Variants in ARFGEF3 observed in about 807,000 individuals in gnomAD.
ARFGEF3 encodes the protein ARFGEF family member 3.
A neutral mutation model predicts 221.7 loss-of-function variants in ARFGEF3; 96 were observed. The ratio of observed to expected loss-of-function variants is 0.43; its 90% CI spans 0.37 to 0.51. The LOEUF (loss-of-function observed/expected upper bound fraction) is 0.51. ARFGEF3 is among the 20% of genes least tolerant of loss of function. ARFGEF3 has a pLI of 0.00. For missense variants in ARFGEF3, 2,410 were observed against 2,789.9 expected (o/e 0.86, Z 3.07); for synonymous variants, 1,145 against 1,126.8 (o/e 1.02, Z -0.32).
At chr6:138,264,309 T>C (rs1191050712) in intron 12 of ARFGEF3, among the ~76,000 whole-genome samples, 1 of 152,222 alleles carries the variant, frequency 6.6e-6, no homozygotes, top group Non-Finnish European at 1.5e-5. Flanking sequence ...TTTCACATAG[T>C]AAATAATTAT....
At chr6:138,279,348 G>A (rs1272705144) in intron 13 of ARFGEF3, among the ~76,000 whole-genome samples, 5 of 152,124 alleles carry the variant, frequency 3.3e-5, no homozygotes, top group African/African-American at 9.7e-5. Context: ...ACTCTTCACC[G>A]TATTCCAACA....
chr6:138,303,149 C>T (rs143812139), intron 22 of ARFGEF3, among the ~76,000 whole-genome samples: 1 of 152,038 alleles, frequency 6.6e-6, no homozygotes, highest in African/African-American at 2.4e-5. Flanking sequence ...TGTATTTTGC[C>T]AGAATTAGCT....
intron 4 of ARFGEF3, among the ~76,000 whole-genome samples, chr6:138,219,930 T>C (rs1777949190): frequency 6.6e-6 from 1 of 152,210 alleles, no homozygotes; most frequent in Non-Finnish European, 1.5e-5. Flanking sequence ...GTATACTGAT[T>C]TCTCATCATA....
At chr6:138,315,142 C>T (rs1035296634) in intron 26 of ARFGEF3, among the ~76,000 whole-genome samples, 2 of 152,194 alleles carry the variant, frequency 1.3e-5, no homozygotes, top group African/African-American at 4.8e-5. Context: ...TTACTTCTTA[C>T]AGGACTATTT....
At chr6:138,293,754 G>A (rs1409388441) in intron 19 of ARFGEF3, among the ~76,000 whole-genome samples, 1 of 152,206 alleles carries the variant, frequency 6.6e-6, no homozygotes, top group Non-Finnish European at 1.5e-5. Context: ...CCATAGCGGA[G>A]CTAGACCATG....
chr6:138,181,931 G>C (rs2114449872), intron 2 of ARFGEF3, among the ~76,000 whole-genome samples: 1 of 152,236 alleles, frequency 6.6e-6, no homozygotes, highest in East Asian at 1.9e-4. Flanking sequence ...TGATGGATAG[G>C]GACCCGAGCT....
chr6:138,318,223 T>G (rs560952147), intron 27 of ARFGEF3, among the ~76,000 whole-genome samples: 1 of 152,310 alleles, frequency 6.6e-6, no homozygotes, highest in African/African-American at 2.4e-5. Flanking sequence ...TAAGTAGGTA[T>G]TTTATAGAAT....
At chr6:138,172,759 T>C (rs1199866662) in intron 2 of ARFGEF3, among the ~76,000 whole-genome samples, 1 of 152,138 alleles carries the variant, frequency 6.6e-6, no homozygotes, top group Admixed American at 6.6e-5. Flanking sequence ...CAACAGAAAA[T>C]ACTTCTTCAT....
rs536467500 is a variant in ARFGEF3 at position 138,334,389 on chromosome 6, G to A, written c.5543G>A (p.Ser1848Asn). 3.1e-6 allele frequency: 5 copies of A among 1,613,214 alleles called. No individual in the cohort carries two copies. In the South Asian group the frequency reaches 4.4e-5, roughly 14 times the overall value. The change falls in exon 33 of 34, where the codon AGC becomes AAC. Residue 1848 changes from serine to asparagine, a missense_variant. Ser to Asn is a conservative substitution (Grantham distance 46). Transcript: ENST00000251691. The surrounding 1 kb of genome is among the most constrained non-coding windows in gnomAD (Gnocchi z 5.1). ...KKVLFEDDER[S>N]TDSSQQCSSE... ...GTCCTTTTTGAGGACGACGAGAGAA[G>A]CACGGATTCTTCCCAGCAGTGTTCA...
intron 1 of ARFGEF3, among the ~76,000 whole-genome samples, chr6:138,166,761 G>T (rs564005076): frequency 6.6e-6 from 1 of 152,278 alleles, no homozygotes; most frequent in East Asian, 1.9e-4. Context: ...TCTATCAGGG[G>T]CCTTATACAG....
chr6:138,244,516 C>G (rs1040132632), intron 7 of ARFGEF3, among the ~76,000 whole-genome samples: 5 of 152,196 alleles, frequency 3.3e-5, no homozygotes, highest in South Asian at 2.1e-4. Flanking sequence ...CAGCAGTTTT[C>G]GATATGTAGT....
chr6:138,287,004 A>AAG, intron 16 of ARFGEF3, 70 bp from the exon 17 acceptor site: 1 of 1,568,756 alleles, frequency 6.4e-7, no homozygotes, highest in African/African-American at 1.4e-5. Context: ...GACCCTTTAG[A>AAG]AGGGGTTCTG....
At chr6:138,302,775 A>G (rs990682141) in intron 22 of ARFGEF3, among the ~76,000 whole-genome samples, 1 of 152,246 alleles carries the variant, frequency 6.6e-6, no homozygotes, top group African/African-American at 2.4e-5. Flanking sequence ...AAAACTGTCA[A>G]TGGATAATCC....
In ARFGEF3 at chr6:138,319,776, T is replaced by C. The variant is rs1477318822; in HGVS notation, c.4548T>C (p.His1516=). The change falls in exon 28 of 34, where the codon CAT becomes CAC. Residue 1516 remains histidine, a synonymous_variant. Transcript: ENST00000251691. ...PVMSVWLRRS[H]KDHSYWDMAS... is the part of the protein sequence containing the mutation. The stretch of plus-strand genomic sequence containing the variant: ...TGTCCGTTTGGCTCCGCCGGAGCCA[T>C]AAAGACCATTCCTACTGGGATATGG... The C allele has an allele frequency of 5.0e-6, 8 of 1,613,454 alleles. No individual in the cohort carries two copies. The South Asian group carries it at 8.8e-5, about 18-fold the overall frequency.
intron 5 of ARFGEF3, among the ~76,000 whole-genome samples, chr6:138,232,251 A>G (rs1778206588): frequency 6.6e-6 from 1 of 152,192 alleles, no homozygotes; most frequent in Non-Finnish European, 1.5e-5. Flanking sequence ...TCATGCCTGT[A>G]ATCCCAGCAC....
chr6:138,239,665 AAAAAAG>A (rs1316051887), intron 6 of ARFGEF3, among the ~76,000 whole-genome samples: 2 of 151,698 alleles, frequency 1.3e-5, no homozygotes, highest in Non-Finnish European at 2.9e-5. Context: ...AAAAAAAAAA[AAAAAAG>A]AAAGAAAATC....
chr6:138,209,940 AT>A lies in ARFGEF3; in HGVS notation c.251del (p.Met84ArgfsTer15). On this transcript the variant is annotated frameshift_variant, in exon 4 of 34. Coordinates refer to ENST00000251691, the MANE Select transcript of ARFGEF3 (RefSeq NM_020340.5). LOFTEE classifies it high-confidence loss of function. ...TCTGTCGGAAGAGAGGTTTGTATCC[AT>A]GGAAACAGATTCTGATGAGAAGCAG... The part of the protein sequence containing the change: ...KLLSEERFVS[M>X]ETDSDEKQLL... The A allele has an allele frequency of 1.9e-6, 3 of 1,613,870 alleles. No homozygotes were observed. Among genetic ancestry groups the A allele is most frequent in the Non-Finnish European group, 2.5e-6 (3 of 1,179,798 alleles).
At chr6:138,248,782 G>A (rs998092145) in intron 8 of ARFGEF3, among the ~76,000 whole-genome samples, 6 of 152,172 alleles carry the variant, frequency 3.9e-5, no homozygotes, top group South Asian at 4.2e-4. Flanking sequence ...CTGAGACTGC[G>A]CCATTGCACT....
intron 1 of ARFGEF3, among the ~76,000 whole-genome samples, chr6:138,168,510 C>T (rs1222267227): frequency 1.3e-5 from 2 of 152,174 alleles, no homozygotes; most frequent in African/African-American, 2.4e-5. Flanking sequence ...AGGAAATGCT[C>T]TCATCTGGGT....
Sources: allele counts gnomAD v4.1 joint callset (sites outside exome capture counted in the v4.1 genomes callset), GRCh38; gene constraint gnomAD v4.1.1; non-coding constraint Gnocchi (gnomAD v3.1); transcripts MANE v1.5; gene names NCBI Gene and HGNC (gene_info 2026-07-23, HGNC 2026-07-21).